LCORL: variants seen among roughly 807,000 people sequenced by gnomAD.
LCORL encodes the protein ligand-dependent nuclear receptor corepressor-like protein.
A neutral mutation model predicts 141.8 loss-of-function variants in LCORL; 41 were observed. The observed-to-expected ratio is 0.29, with a 90% CI of 0.23 to 0.38. LCORL has a LOEUF of 0.38. LCORL is among the 10% of genes least tolerant of loss of function. The probability of loss-of-function intolerance (pLI) is 1.00; values close to 1 mark genes in which losing one functional copy is unlikely to be tolerated. For synonymous variants in LCORL, 618 were observed against 694.1 expected, an observed-to-expected ratio of 0.89 and a Z score of 1.72; for missense variants, 1,759 against 2,035.0, an observed-to-expected ratio of 0.86 and a Z score of 2.61.
intron 1 of LCORL, among the ~76,000 whole-genome samples, chr4:17,998,771 C>A (rs142563311): frequency 6.6e-6 from 1 of 151,436 alleles, no homozygotes; most frequent in East Asian, 1.9e-4. Flanking sequence ...TCAAGACCAG[C>A]CTGGGCAACA....
chr4:17,998,519 A>T (rs1413314878), intron 1 of LCORL, among the ~76,000 whole-genome samples: 3 of 152,088 alleles, frequency 2.0e-5, no homozygotes, highest in Non-Finnish European at 4.4e-5. Context: ...CAGAGTAAGG[A>T]TCATCAATAT....
intron 4 of LCORL, among the ~76,000 whole-genome samples, chr4:17,926,323 T>C (rs1735140481): frequency 6.6e-6 from 1 of 152,222 alleles, no homozygotes; most frequent in Non-Finnish European, 1.5e-5. Context: ...GTGGGCACCA[T>C]ATAATCAGCT....
chr4:17,999,986 G>A (rs1319931415), intron 1 of LCORL, among the ~76,000 whole-genome samples: 1 of 152,146 alleles, frequency 6.6e-6, no homozygotes, highest in Admixed American at 6.5e-5. Context: ...GTACAAAAGG[G>A]ATAAGATGCC....
chr4:18,002,868 ATGGGG>A (rs1722198586), intron 1 of LCORL, among the ~76,000 whole-genome samples: 1 of 152,192 alleles, frequency 6.6e-6, no homozygotes, highest in Non-Finnish European at 1.5e-5. Flanking sequence ...CAGAGTTTGC[ATGGGG>A]TTGGTATAAA....
chr4:17,869,160 T>C (rs1377602347), intron 7 of LCORL, among the ~76,000 whole-genome samples: 3 of 151,990 alleles, frequency 2.0e-5, no homozygotes, highest in Admixed American at 2.0e-4. Context: ...CCATTTCCAT[T>C]GGTTGCCATC....
At chr4:17,849,777 C>T (rs1246667088) in intron 7 of LCORL, among the ~76,000 whole-genome samples, 16 of 152,062 alleles carry the variant, frequency 1.1e-4, no homozygotes, top group Admixed American at 1.0e-3. Flanking sequence ...TTGGAAAAAA[C>T]TACTTTAAAG....
chr4:17,852,442 CA>C (rs1723859429), intron 7 of LCORL, among the ~76,000 whole-genome samples: 1 of 151,832 alleles, frequency 6.6e-6, no homozygotes, highest in African/African-American at 2.4e-5. Context: ...TTTGTTGTGA[CA>C]ATTTAATGAG....
At chr4:17,920,630 C>G (rs934927584) in intron 4 of LCORL, among the ~76,000 whole-genome samples, 1 of 152,222 alleles carries the variant, frequency 6.6e-6, no homozygotes, top group Admixed American at 6.5e-5. Context: ...AGTAGAACTT[C>G]TTTCAAAATT....
intron 1 of LCORL, among the ~76,000 whole-genome samples, chr4:18,005,413 A>C (rs1722634353): frequency 6.6e-6 from 1 of 152,130 alleles, no homozygotes; most frequent in Non-Finnish European, 1.5e-5. Flanking sequence ...GTAAGCTGTC[A>C]GTGGATCTAC....
At chr4:17,984,354 T>C (rs1470216460) in intron 1 of LCORL, among the ~76,000 whole-genome samples, 2 of 152,142 alleles carry the variant, frequency 1.3e-5, no homozygotes, top group African/African-American at 4.8e-5. Flanking sequence ...TACCAGCTCT[T>C]GTTTGTGTAT....
chr4:17,881,046 AAAGT>A lies in LCORL; in HGVS notation c.777-2837_777-2834del, dbSNP rs544386740. On this transcript the variant is annotated intron_variant, in intron 6 of 7. Transcript: ENST00000635767. ...AACAACTAAAAAAATCAGTCTCACT[AAAGT>A]TAGTATACAATTTAATATAAAATTG... is the stretch of plus-strand genomic sequence containing the variant. The A allele has an allele frequency of 3.7e-4, 358 of 980,306 alleles. 1 individual carries two copies. Among genetic ancestry groups the A allele is most frequent in the Non-Finnish European group, 4.0e-4 (330 of 825,542 alleles). The allele number at this position is 980,306 out of a possible 1,614,324, so 60.7% of individuals were successfully genotyped here. A position where few individuals can be genotyped will look rare whatever the true frequency, so the allele number is the denominator to read the frequency against.
At chr4:18,018,902 CACACATGTAT>C (rs1351607986) in intron 1 of LCORL, among the ~76,000 whole-genome samples, 1 of 152,132 alleles carries the variant, frequency 6.6e-6, no homozygotes, top group Non-Finnish European at 1.5e-5. Flanking sequence ...CATATATATT[CACACATGTAT>C]ACACATGCAA....
intron 4 of LCORL, chr4:17,911,737 C>T: frequency 2.1e-6 from 1 of 473,994 alleles, no homozygotes; most frequent in Non-Finnish European, 4.2e-6. Flanking sequence ...CGTCCAAGCG[C>T]CCAGCTATGG....
At position 17,958,187 on chromosome 4, in the gene LCORL, T is replaced by C. The variant is rs530122653; in HGVS notation, c.430+3716A>G. On this transcript the variant is annotated intron_variant, in intron 4 of 7. Coordinates refer to ENST00000635767, the Ensembl canonical transcript of LCORL. ...AACTTAAGGGAAAAGAGTTTGTTAA[T>C]AGGAGCTTTCAACTAACGGCATCAA... 2.0e-5 allele frequency among the ~76,000 whole-genome samples: 3 copies of C among 151,810 alleles called. No homozygotes were observed. In the East Asian group the frequency reaches 5.8e-4, roughly 29 times the overall value.
At chr4:17,996,460 C>T (rs1720934909) in intron 1 of LCORL, among the ~76,000 whole-genome samples, 1 of 151,920 alleles carries the variant, frequency 6.6e-6, no homozygotes. Context: ...ATAACTGATT[C>T]ATTATACTGA....
At chr4:17,883,124 G>A in intron 6 of LCORL, 1 of 977,176 alleles carries the variant, frequency 1.0e-6, no homozygotes, top group Non-Finnish European at 1.2e-6. Flanking sequence ...TATCCTTTAA[G>A]GTTTTCTTTT....
chr4:17,886,715 T>A (rs1728321609), intron 5 of LCORL, among the ~76,000 whole-genome samples: 2 of 152,086 alleles, frequency 1.3e-5, no homozygotes, highest in Non-Finnish European at 2.9e-5. Flanking sequence ...GTTAAATCAT[T>A]GCCTACATAA....
At chr4:17,859,482 C>T (rs1389093345) in intron 7 of LCORL, among the ~76,000 whole-genome samples, 1 of 152,078 alleles carries the variant, frequency 6.6e-6, no homozygotes, top group African/African-American at 2.4e-5. Flanking sequence ...AATTAATCAA[C>T]AGCAGACGTG....
chr4:17,906,241 T>C (rs1412873589), intron 5 of LCORL, among the ~76,000 whole-genome samples: 2 of 152,166 alleles, frequency 1.3e-5, no homozygotes, highest in African/African-American at 4.8e-5. Flanking sequence ...TTTAAGAAAC[T>C]ACCCATCCAT....
Sources: allele counts gnomAD v4.1 joint callset (sites outside exome capture counted in the v4.1 genomes callset), GRCh38; gene constraint gnomAD v4.1.1; transcripts MANE v1.5; gene names NCBI Gene and HGNC (gene_info 2026-07-23, HGNC 2026-07-21).